NPR3: variants seen among roughly 807,000 people sequenced by gnomAD.
The protein encoded by NPR3 is natriuretic peptide receptor 3.
A neutral mutation model predicts 54.5 loss-of-function variants in NPR3; 34 were observed. The observed-to-expected ratio is 0.62, with a 90% CI of 0.47 to 0.83. The LOEUF (loss-of-function observed/expected upper bound fraction) is 0.83. Ranked by LOEUF, NPR3 falls within the 40% of genes least tolerant of loss-of-function variation. NPR3 has a pLI of 0.00. For synonymous variants in NPR3, 289 were observed against 297.1 expected (o/e 0.97, Z 0.28); for missense variants, 674 against 720.8 (o/e 0.94, Z 0.74).
intron 1 of NPR3, chr5:32,713,417 C>T: frequency 1.0e-6 from 1 of 985,414 alleles, no homozygotes; most frequent in Non-Finnish European, 1.2e-6. Flanking sequence ...GTGTAATCGC[C>T]AGTGTGGCCC....
chr5:32,777,544 A>G (rs745565108), intron 4 of NPR3, among the ~76,000 whole-genome samples: 11 of 152,186 alleles, frequency 7.2e-5, no homozygotes, highest in Non-Finnish European at 1.5e-4. Flanking sequence ...GCAAATATTG[A>G]CAAGTTTAGA....
chr5:32,723,826 C>G (rs1738993531), intron 1 of NPR3, among the ~76,000 whole-genome samples: 1 of 151,926 alleles, frequency 6.6e-6, no homozygotes, highest in South Asian at 2.1e-4. Context: ...TTTCAAGTAT[C>G]TCCCTGTCCC....
chr5:32,750,817 T>C (rs183746292), intron 3 of NPR3, among the ~76,000 whole-genome samples: 45 of 152,334 alleles, frequency 3.0e-4, no homozygotes, highest in African/African-American at 8.7e-4. Context: ...TTTACCCTTG[T>C]GGACATACCT....
chr5:32,780,739 TC>T lies in NPR3; in HGVS notation c.1215del (p.Ile406Ter). The T allele has an allele frequency of 6.4e-7, 1 of 1,569,068 alleles. No individual in the cohort carries two copies. Reference sequence around the variant, plus strand: ...TCCTGTAGGTATCGCCGGGCAGGTGTCCATAGATGCCAACGGAGACCGATAT... The same window carrying T: ...TCCTGTAGGTATCGCCGGGCAGGTGTCATAGATGCCAACGGAGACCGATAT... Reference protein sequence around the residue: ...RTFEGIAGQVSIDANGDRYGD... With the variant: ...RTFEGIAGQVXIDANGDRYGD... On this transcript the variant is annotated frameshift_variant, in exon 5 of 8. Transcript: ENST00000265074. LOFTEE classifies it high-confidence loss of function.
intron 3 of NPR3, among the ~76,000 whole-genome samples, chr5:32,758,227 G>C (rs1476182433): frequency 6.6e-6 from 1 of 152,118 alleles, no homozygotes; most frequent in Non-Finnish European, 1.5e-5. Flanking sequence ...GAATCCATCT[G>C]GTCCTGGACT....
At chr5:32,754,901 C>A (rs1015503021) in intron 3 of NPR3, among the ~76,000 whole-genome samples, 1 of 152,156 alleles carries the variant, frequency 6.6e-6, no homozygotes, top group Non-Finnish European at 1.5e-5. Context: ...TGTTCTGTAG[C>A]CCAGGCTGGA....
rs1421810 is a variant in NPR3 at position 32,714,258 on chromosome 5, G to T, written c.769+1713G>T. ...TACCCTGTAGATCCCAATGTCAGCGGCTGCCCCGGCGCACGTGGCCTGGGA... is the reference window on the plus strand; with the variant it reads ...TACCCTGTAGATCCCAATGTCAGCGTCTGCCCCGGCGCACGTGGCCTGGGA... On this transcript the variant is annotated intron_variant, in intron 1 of 7. Transcript: ENST00000265074. Among the ~76,000 whole-genome samples, 1,209 of 152,356 alleles carry T rather than the reference G, an allele frequency of 7.9e-3. 20 individuals carry two copies. The highest frequency in any genetic ancestry group is 0.026 in the African/African-American group (1,094 of 41,580).
chr5:32,761,794 AT>A lies in NPR3; in HGVS notation c.1060-12904del, dbSNP rs200968426. Among the ~76,000 whole-genome samples, 293 of 148,162 alleles carry A rather than the reference AT, an allele frequency of 2.0e-3. 4 individuals are homozygous for A. The South Asian group carries it at 0.023, about 11-fold the overall frequency. ...TTTATTTCTTTAACTCAAAAATATA[AT>A]TTTTTTTTTCATTATACTTTAAGTT... On this transcript the variant is annotated intron_variant, in intron 3 of 7. Transcript: ENST00000265074.
chr5:32,754,512 A>G (rs955239395), intron 3 of NPR3, among the ~76,000 whole-genome samples: 4 of 152,124 alleles, frequency 2.6e-5, no homozygotes, highest in African/African-American at 9.7e-5. Flanking sequence ...GTTAAGAGAG[A>G]GGAACTAGAA....
At chr5:32,784,998 G>A (rs1742534744) in intron 7 of NPR3, 115 bp downstream of exon 7, 4 of 862,988 alleles carry the variant, frequency 4.6e-6, no homozygotes, top group Non-Finnish European at 3.7e-6. Context: ...GAAGCACGGT[G>A]GTTAAAAAAT....
In NPR3 at chr5:32,736,118, C is replaced by T. The variant is rs1003073800; in HGVS notation, c.893-2746C>T. Among the ~76,000 whole-genome samples the T allele has an allele frequency of 1.3e-4, 19 of 151,212 alleles. 1 individual carries two copies. The highest frequency in any genetic ancestry group is 4.1e-4 in the African/African-American group (17 of 41,128). On this transcript the variant is annotated intron_variant, in intron 2 of 7. Transcript: ENST00000265074. Reference sequence around the variant, plus strand: ...TGGTGGCGCATGTCTGTAACCCCAGCTACTCGGGAGGCTGAGGCGGGAGAA... The same window carrying T: ...TGGTGGCGCATGTCTGTAACCCCAGTTACTCGGGAGGCTGAGGCGGGAGAA...
chr5:32,734,579 C>T (rs970962787), intron 2 of NPR3, among the ~76,000 whole-genome samples: 3 of 152,194 alleles, frequency 2.0e-5, no homozygotes, highest in African/African-American at 7.2e-5. Flanking sequence ...CCTGCAAGTG[C>T]TTTCCTCAAG....
At chr5:32,719,744 T>G (rs1454543802) in intron 1 of NPR3, among the ~76,000 whole-genome samples, 1 of 151,976 alleles carries the variant, frequency 6.6e-6, no homozygotes, top group African/African-American at 2.4e-5. Context: ...CTTGGATTGA[T>G]CTTCTACTTT....
intron 2 of NPR3, among the ~76,000 whole-genome samples, chr5:32,729,210 T>C (rs1372243560): frequency 6.6e-6 from 1 of 151,822 alleles, no homozygotes; most frequent in African/African-American, 2.4e-5. Flanking sequence ...TTTGTATTTT[T>C]AGTAGAGTCG....
intron 1 of NPR3, among the ~76,000 whole-genome samples, chr5:32,722,599 A>C (rs951684449): frequency 6.6e-6 from 1 of 152,198 alleles, no homozygotes; most frequent in African/African-American, 2.4e-5. Flanking sequence ...ACTTGATCGA[A>C]AAATGATGAG....
At chr5:32,760,467 G>A (rs1253668045) in intron 3 of NPR3, among the ~76,000 whole-genome samples, 1 of 152,096 alleles carries the variant, frequency 6.6e-6, no homozygotes, top group Non-Finnish European at 1.5e-5. Flanking sequence ...TACTTTTCAT[G>A]TGCTTGTTGG....
chr5:32,774,315 A>T (rs1397634803), intron 3 of NPR3, among the ~76,000 whole-genome samples: 1 of 152,134 alleles, frequency 6.6e-6, no homozygotes, highest in Non-Finnish European at 1.5e-5. Context: ...GCATGAAGAG[A>T]TCGTGGGGCT....
intron 3 of NPR3, among the ~76,000 whole-genome samples, chr5:32,753,501 C>T (rs79529720): frequency 0.028 from 4,248 of 152,018 alleles, 71 homozygotes; most frequent in Middle Eastern, 0.088. Context: ...AGCAGTTATA[C>T]CCATCAGTGT....
In NPR3 at chr5:32,732,247, C is replaced by CAA. The variant is rs34564234; in HGVS notation, c.893-6587_893-6586dup. Among the ~76,000 whole-genome samples, 235 of 32,962 alleles carry CAA rather than the reference C, an allele frequency of 7.1e-3. 13 individuals carry two copies. The highest frequency in any genetic ancestry group is 0.014 in the East Asian group (14 of 974). 21.6% of individuals were successfully genotyped at this position (32,962 alleles called of 152,430 possible). A position where few individuals can be genotyped will look rare whatever the true frequency, so the allele number is the denominator to read the frequency against. On this transcript the variant is annotated intron_variant, in intron 2 of 7. Coordinates refer to ENST00000265074, the MANE Select transcript of NPR3 (RefSeq NM_001204375.2). ...TGGGCGACAGAGCGAGACTCCGTCTCAAAAAAAAAAAAAAAAAAAAAAAAA... is the reference window on the plus strand; with the variant it reads ...TGGGCGACAGAGCGAGACTCCGTCTCAAAAAAAAAAAAAAAAAAAAAAAAAAA...
Sources: gnomAD v4.1 joint callset for allele counts (sites outside exome capture counted in the v4.1 genomes callset) on GRCh38, gnomAD v4.1.1 for gene constraint, MANE v1.5 for transcripts, NCBI Gene and HGNC (gene_info 2026-07-23, HGNC 2026-07-21) for gene names.